NECTIN2: variants seen among roughly 807,000 people sequenced by gnomAD.
NECTIN2 encodes the protein nectin-2.
Under a neutral mutation model 56.9 loss-of-function variants are expected in NECTIN2, and 23 were observed. The ratio of observed to expected loss-of-function variants is 0.40; its 90% CI spans 0.29 to 0.57. The LOEUF (loss-of-function observed/expected upper bound fraction) is 0.57. Ranked by LOEUF, NECTIN2 falls within the 20% of genes least tolerant of loss-of-function variation. The probability of loss-of-function intolerance (pLI) is 0.38; values close to 1 mark genes in which losing one functional copy is unlikely to be tolerated. For missense variants in NECTIN2, 587 were observed against 718.3 expected, an observed-to-expected ratio of 0.82 and a Z score of 2.09; for synonymous variants, 302 against 313.8, an observed-to-expected ratio of 0.96 and a Z score of 0.40.
chr19:44,885,904 T>C, intron 6 of NECTIN2, 33 bp from the exon 7 acceptor site: 1 of 1,524,020 alleles, frequency 6.6e-7, no homozygotes, highest in South Asian at 1.1e-5. Context: ...GCCTGGGTCT[T>C]AATCTCCACT....
intron 1 of NECTIN2, among the ~76,000 whole-genome samples, chr19:44,862,917 A>G (rs1969050003): frequency 6.7e-6 from 1 of 150,010 alleles, no homozygotes; most frequent in East Asian, 2.0e-4. Flanking sequence ...TGGGAGCCCG[A>G]GGCGGCAGAT....
At chr19:44,882,420 T>G in intron 6 of NECTIN2, 56 bp downstream of exon 6, 1 of 1,324,776 alleles carries the variant, frequency 7.5e-7, no homozygotes, top group South Asian at 2.0e-5. Context: ...CTGAGGAGTA[T>G]GGGGTAGGGG....
At chr19:44,863,592 A>T (rs150305072) in intron 1 of NECTIN2, among the ~76,000 whole-genome samples, 278 of 152,032 alleles carry the variant, frequency 1.8e-3, no homozygotes, top group African/African-American at 6.1e-3. Flanking sequence ...TTAATAAAAA[A>T]ATAGAAACTT....
At chr19:44,856,196 G>A (rs1214519363) in intron 1 of NECTIN2, among the ~76,000 whole-genome samples, 4 of 152,192 alleles carry the variant, frequency 2.6e-5, no homozygotes, top group Admixed American at 6.6e-5. Context: ...AGCTACTCGG[G>A]AGGTTGAGGC....
chr19:44,848,892 C>T (rs372411429), intron 1 of NECTIN2, among the ~76,000 whole-genome samples: 1 of 152,156 alleles, frequency 6.6e-6, no homozygotes, highest in Non-Finnish European at 1.5e-5. Context: ...GGGTGCACCA[C>T]CTGGGCCCCC....
chr19:44,874,417 C>G lies in NECTIN2; in HGVS notation c.981C>G (p.Phe327Leu). The G allele has an allele frequency of 1.9e-6, 3 of 1,614,134 alleles. No individual in the cohort carries two copies. Among genetic ancestry groups the G allele is most frequent in the Non-Finnish European group, 2.5e-6 (3 of 1,180,034 alleles). The change falls in exon 5 of 9, where the codon TTC becomes TTG. Residue 327 changes from phenylalanine to leucine, a missense_variant. Phe to Leu is a conservative substitution (Grantham distance 22, BLOSUM62 0). Coordinates refer to ENST00000252483, the MANE Select transcript of NECTIN2 (RefSeq NM_001042724.2). This position sits in a 1 kb window ranked among gnomAD's most constrained non-coding sequence, Gnocchi z 6.3. ...TGGACAGTCTGTTCAATACCACCTT[C>G]GTCTGCACAGTCACCAATGCCGTGG... ...HAVDSLFNTT[F>L]VCTVTNAVGM...
rs1250917318 is a variant in NECTIN2 at position 44,875,895 on chromosome 19, G to A, written c.1042+1417G>A. On this transcript the variant is annotated intron_variant, in intron 5 of 8. Transcript: ENST00000252483. The surrounding 1 kb of genome is among the most constrained non-coding windows in gnomAD (Gnocchi z 4.2). Reference sequence around the variant, plus strand: ...GCAAACCCAGAGAGACAGCTGTCCCGCTCTGGGCTCGCCTGGCGCGTGAGG... The same window carrying A: ...GCAAACCCAGAGAGACAGCTGTCCCACTCTGGGCTCGCCTGGCGCGTGAGG... Among the ~76,000 whole-genome samples, 1 of 152,158 alleles carries A rather than the reference G, an allele frequency of 6.6e-6. No individual in the cohort carries two copies. Among genetic ancestry groups the A allele is most frequent in the Admixed American group, 6.5e-5 (1 of 15,268 alleles).
intron 2 of NECTIN2, among the ~76,000 whole-genome samples, chr19:44,868,415 G>A (rs886980604): frequency 4.2e-5 from 6 of 144,576 alleles, no homozygotes; most frequent in Admixed American, 6.9e-5. Flanking sequence ...CAAAAATAGA[G>A]AAGGCAGGGA....
In NECTIN2 at chr19:44,867,215, T is replaced by A. The variant is rs190864432; in HGVS notation, c.478+1555T>A. On this transcript the variant is annotated intron_variant, in intron 2 of 8. Coordinates refer to ENST00000252483, the MANE Select transcript of NECTIN2 (RefSeq NM_001042724.2). ...TTTTGTATTTTTAGTAGAGACGGGG[T>A]TGCACCATGTTGGCCAGGCTGGTCT... Among the ~76,000 whole-genome samples the A allele has an allele frequency of 3.0e-4, 46 of 151,968 alleles. No individual in the cohort carries two copies. In the East Asian group the frequency reaches 8.1e-3, roughly 27 times the overall value.
At chr19:44,885,743 T>C (rs1344862487) in intron 6 of NECTIN2, among the ~76,000 whole-genome samples, 194 bp from the exon 7 acceptor site, 1 of 152,208 alleles carries the variant, frequency 6.6e-6, no homozygotes, top group Non-Finnish European at 1.5e-5. Flanking sequence ...CAGGAATTCC[T>C]GATCCACTGG....
intron 8 of NECTIN2, 91 bp from the exon 9 acceptor site, chr19:44,888,019 A>C: frequency 7.2e-7 from 1 of 1,381,024 alleles, no homozygotes. Flanking sequence ...ATGGGGAGAG[A>C]GCGGTCAGGA....
At chr19:44,872,787 G>GTATTTAT (rs148251724) in intron 3 of NECTIN2, among the ~76,000 whole-genome samples, 1 of 143,104 alleles carries the variant, frequency 7.0e-6, no homozygotes, top group African/African-American at 2.7e-5. Flanking sequence ...TATTTACATT[G>GTATTTAT]TATTTATTAT....
At chr19:44,881,175 T>A (rs1440907565) in intron 5 of NECTIN2, among the ~76,000 whole-genome samples, 3 of 152,106 alleles carry the variant, frequency 2.0e-5, no homozygotes, top group Non-Finnish European at 4.4e-5. Flanking sequence ...CCCAAAGCGC[T>A]GGGATTACAG....
chr19:44,886,352 T>C (rs938280763), intron 8 of NECTIN2, 133 bp downstream of exon 8: 9 of 669,618 alleles, frequency 1.3e-5, no homozygotes, highest in Non-Finnish European at 2.3e-5. Flanking sequence ...TGGTGCTTAA[T>C]GCATTGAGAT....
At chr19:44,849,413 A>G (rs1599905399) in intron 1 of NECTIN2, among the ~76,000 whole-genome samples, 4 of 150,794 alleles carry the variant, frequency 2.7e-5, no homozygotes, top group Admixed American at 6.6e-5. Context: ...GTCAGGGTAC[A>G]GGGGGCCTCA....
In NECTIN2 at chr19:44,874,920, A is replaced by T. The variant is rs1235146826; in HGVS notation, c.1042+442A>T. On this transcript the variant is annotated intron_variant, in intron 5 of 8. Transcript: ENST00000252483. The surrounding 1 kb of genome is among the most constrained non-coding windows in gnomAD (Gnocchi z 6.3). ...AAGAGGAAAAGCACAAAGCCAGACC[A>T]TCACCCAGTGATGGAAACTGGGTCA... 6.6e-6 allele frequency among the ~76,000 whole-genome samples: 1 copy of T among 152,106 alleles called. No homozygotes were observed. The highest frequency in any genetic ancestry group is 2.4e-5 in the African/African-American group (1 of 41,430).
intron 1 of NECTIN2, among the ~76,000 whole-genome samples, chr19:44,857,696 C>T (rs886866449): frequency 1.4e-5 from 2 of 145,192 alleles, no homozygotes; most frequent in African/African-American, 5.2e-5. Flanking sequence ...GCCATCGTGC[C>T]GGGTTTTTGT....
chr19:44,885,307 C>CTTT (rs34485333), intron 6 of NECTIN2, among the ~76,000 whole-genome samples: 4 of 112,942 alleles, frequency 3.5e-5, no homozygotes, highest in African/African-American at 6.2e-5. Context: ...ATCTTTCTTT[C>CTTT]TTTTTTTTTT....
intron 2 of NECTIN2, among the ~76,000 whole-genome samples, chr19:44,868,985 C>T (rs527840340): frequency 8.3e-4 from 126 of 152,172 alleles, no homozygotes; most frequent in African/African-American, 2.9e-3. Context: ...AGCCACGTCA[C>T]TCTGGATGCC....
Sources: gnomAD v4.1 joint callset for allele counts (sites outside exome capture counted in the v4.1 genomes callset) on GRCh38, gnomAD v4.1.1 for gene constraint, Gnocchi (gnomAD v3.1) non-coding constraint, MANE v1.5 for transcripts, NCBI Gene and HGNC (gene_info 2026-07-23, HGNC 2026-07-21) for gene names.